ATP9A: variants seen among roughly 807,000 people sequenced by gnomAD.
The protein encoded by ATP9A is ATPase phospholipid transporting 9A, also known as probable phospholipid-transporting ATPase IIA.
ATP9A carries 52 observed loss-of-function variants against 144.1 expected under a neutral mutation model. The ratio of observed to expected loss-of-function variants is 0.36; its 90% CI spans 0.29 to 0.45. ATP9A has a LOEUF of 0.45. Among genes scored for constraint, ATP9A ranks in the 20% least tolerant of loss-of-function variants. The pLI is 1.00. For missense variants in ATP9A, 947 were observed against 1,392.7 expected, an observed-to-expected ratio of 0.68 and a Z score of 5.09; for synonymous variants, 582 against 557.4, an observed-to-expected ratio of 1.04 and a Z score of -0.62.
chr20:51,762,753 A>G (rs2077886720), intron 1 of ATP9A, among the ~76,000 whole-genome samples: 1 of 123,204 alleles, frequency 8.1e-6, no homozygotes, highest in South Asian at 2.7e-4. Flanking sequence ...TCTGTTGCCG[A>G]GGCTGGAGTG....
intron 1 of ATP9A, among the ~76,000 whole-genome samples, chr20:51,755,211 G>A (rs1420571795): frequency 6.6e-6 from 1 of 152,062 alleles, no homozygotes; most frequent in Non-Finnish European, 1.5e-5. Context: ...ACCAAGGCAG[G>A]CGGATCACAA....
chr20:51,607,646 C>CA, intron 25 of ATP9A, 62 bp from the exon 26 acceptor site: 1 of 1,341,394 alleles, frequency 7.5e-7, no homozygotes, highest in Non-Finnish European at 1.1e-6. Context: ...AGCATGCCAT[C>CA]AGCTTTCACG....
chr20:51,694,892 T>C (rs1005226929), intron 6 of ATP9A, among the ~76,000 whole-genome samples: 8 of 152,296 alleles, frequency 5.3e-5, no homozygotes, highest in Admixed American at 2.6e-4. Context: ...AAAAAGAGCA[T>C]GTCAGGGGCC....
chr20:51,765,909 A>G (rs1216884099), intron 1 of ATP9A, among the ~76,000 whole-genome samples: 1 of 152,120 alleles, frequency 6.6e-6, no homozygotes, highest in Non-Finnish European at 1.5e-5. Flanking sequence ...GTGGGCCAAG[A>G]CCAAGGCATT....
intron 1 of ATP9A, chr20:51,732,337 C>T (rs2077745559): frequency 6.6e-6 from 1 of 152,558 alleles, no homozygotes; most frequent in Admixed American, 6.5e-5. Flanking sequence ...CCTGCCAGCC[C>T]CCTGGGATGT....
intron 9 of ATP9A, among the ~76,000 whole-genome samples, chr20:51,682,441 T>C (rs142296959): frequency 6.6e-6 from 1 of 152,062 alleles, no homozygotes; most frequent in African/African-American, 2.4e-5. Flanking sequence ...GCCCTGCCTA[T>C]GCCAGATGCA....
intron 9 of ATP9A, among the ~76,000 whole-genome samples, chr20:51,678,056 C>T (rs1326654444): frequency 7.0e-6 from 1 of 141,886 alleles, no homozygotes; most frequent in African/African-American, 2.5e-5. Flanking sequence ...AACCAAGAAA[C>T]ACGGCATCAC....
chr20:51,744,859 G>A (rs897860464), intron 1 of ATP9A, among the ~76,000 whole-genome samples: 20 of 152,224 alleles, frequency 1.3e-4, no homozygotes, highest in African/African-American at 4.8e-4. Context: ...GCCAGATATG[G>A]TGGCTCATGC....
Position 51,713,145 on chromosome 20 carries a change from G to C in ATP9A, c.328-71C>G, listed in dbSNP as rs1321495010. On this transcript the variant is annotated intron_variant, in intron 3 of 27. Coordinates refer to ENST00000338821, the MANE Select transcript of ATP9A (RefSeq NM_006045.3). ...TGCTGCAGCCAACCGTCCCCTCCTG[G>C]TGCCAGGGGCAGGAAAGGCGAGAGG... 5.6e-6 allele frequency: 8 copies of C among 1,422,768 alleles called. No homozygotes were observed. In the African/African-American group the frequency reaches 8.5e-5, roughly 15 times the overall value. 88.1% of individuals were successfully genotyped at this position (1,422,768 alleles called of 1,614,324 possible). A position where few individuals can be genotyped will look rare whatever the true frequency, so the allele number is the denominator to read the frequency against.
At position 51,608,485 on chromosome 20, in the gene ATP9A, A is replaced by G. The variant is rs374681434; in HGVS notation, c.2745+33T>C. 2.9e-6 allele frequency: 4 copies of G among 1,361,762 alleles called. No homozygotes were observed. In the South Asian group the frequency reaches 4.7e-5, roughly 16 times the overall value. The allele number at this position is 1,361,762 out of a possible 1,614,324, so 84.4% of individuals were successfully genotyped here. A position where few individuals can be genotyped will look rare whatever the true frequency, so the allele number is the denominator to read the frequency against. On this transcript the variant is annotated intron_variant, in intron 25 of 27. Coordinates refer to ENST00000338821, the MANE Select transcript of ATP9A (RefSeq NM_006045.3). ...AAGGAAGGGAAAAGCAAAGGAGGAA[A>G]GGAGGAAGGAGGGACTGAAAAGCTA...
intron 15 of ATP9A, among the ~76,000 whole-genome samples, chr20:51,629,464 C>T (rs771413811): frequency 2.0e-5 from 3 of 152,178 alleles, no homozygotes; most frequent in Admixed American, 6.6e-5. Context: ...GTCTCAACCT[C>T]GTCACTGTGA....
chr20:51,750,272 C>T (rs2077825737), intron 1 of ATP9A, among the ~76,000 whole-genome samples: 1 of 152,196 alleles, frequency 6.6e-6, no homozygotes, highest in South Asian at 2.1e-4. Flanking sequence ...GAGCAGACAC[C>T]ATTCACCTCC....
intron 24 of ATP9A, among the ~76,000 whole-genome samples, chr20:51,609,679 C>T (rs742757): frequency 0.5 from 75,902 of 151,956 alleles, 19,651 homozygotes; most frequent in African/African-American, 0.64. Flanking sequence ...CTGGCCCTCC[C>T]TGGAGCTCCA....
chr20:51,676,968 C>T (rs1411095118), intron 9 of ATP9A, among the ~76,000 whole-genome samples: 1 of 133,004 alleles, frequency 7.5e-6, no homozygotes, highest in African/African-American at 2.9e-5. Flanking sequence ...TACTCTGTTG[C>T]CCAGGCTAGA....
In ATP9A at chr20:51,643,678, T is replaced by C. The variant is rs571065735; in HGVS notation, c.1507-4174A>G. Among the ~76,000 whole-genome samples, 8 of 152,302 alleles carry C rather than the reference T, an allele frequency of 5.3e-5. No individual in the cohort carries two copies. In the South Asian group the frequency reaches 1.0e-3, roughly 20 times the overall value. On this transcript the variant is annotated intron_variant, in intron 14 of 27. Transcript: ENST00000338821. ...CTCCAGAACTAGGAGAAATAACTTC[T>C]GTTGTTTACAAGATACCCAGTTGAT...
intron 1 of ATP9A, among the ~76,000 whole-genome samples, chr20:51,736,222 G>T (rs2077762096): frequency 6.6e-6 from 1 of 152,212 alleles, no homozygotes; most frequent in South Asian, 2.1e-4. Flanking sequence ...CCCATCACGG[G>T]GAGAAGATAA....
intron 22 of ATP9A, among the ~76,000 whole-genome samples, chr20:51,616,433 C>T (rs1157219236): frequency 3.3e-5 from 5 of 152,218 alleles, no homozygotes; most frequent in Non-Finnish European, 7.3e-5. Context: ...ATTCTCCTGC[C>T]TCAGCCTCCT....
chr20:51,738,020 C>T (rs1286466599), intron 1 of ATP9A, among the ~76,000 whole-genome samples: 1 of 151,082 alleles, frequency 6.6e-6, no homozygotes, highest in Non-Finnish European at 1.5e-5. Context: ...AAGACTCAGC[C>T]TCTAAAACAT....
chr20:51,635,261 C>G (rs1405147298), intron 15 of ATP9A, among the ~76,000 whole-genome samples: 1 of 151,936 alleles, frequency 6.6e-6, no homozygotes, highest in Non-Finnish European at 1.5e-5. Context: ...CTAAGGCCCT[C>G]AGTCCAACAA....
Sources: gnomAD v4.1 joint callset for allele counts (sites outside exome capture counted in the v4.1 genomes callset) on GRCh38, gnomAD v4.1.1 for gene constraint, MANE v1.5 for transcripts, NCBI Gene and HGNC (gene_info 2026-07-23, HGNC 2026-07-21) for gene names.